The following PPFIBP1 variants were observed in gnomAD, a reference collection of about 807,000 sequenced individuals.
PPFIBP1 encodes the protein PPFIB scaffold protein 1.
Under a neutral mutation model 137.8 loss-of-function variants are expected in PPFIBP1, and 112 were observed. The observed-to-expected ratio is 0.81, with a 90% confidence interval of 0.70 to 0.95. The LOEUF is 0.95. Among genes scored for constraint, PPFIBP1 ranks in the 40% least tolerant of loss-of-function variants. The pLI, the probability that PPFIBP1 is intolerant of heterozygous loss-of-function variation, is 0.00. For synonymous variants in PPFIBP1, 378 were observed against 417.3 expected, an observed-to-expected ratio of 0.91 and a Z score of 1.15; for missense variants, 1,083 against 1,196.6, an observed-to-expected ratio of 0.91 and a Z score of 1.40.
At chr12:27,690,989 C>T (rs181832421) in intron 27 of PPFIBP1, among the ~76,000 whole-genome samples, 5 of 150,922 alleles carry the variant, frequency 3.3e-5, no homozygotes, top group South Asian at 2.1e-4. Flanking sequence ...AAATTTGTGC[C>T]AAAGTTCTTT....
intron 1 of PPFIBP1, among the ~76,000 whole-genome samples, chr12:27,541,849 G>A (rs1945709885): frequency 6.6e-6 from 1 of 151,884 alleles, no homozygotes; most frequent in South Asian, 2.1e-4. Flanking sequence ...CCGACTCCAG[G>A]GCTGACCTGC....
At chr12:27,570,035 A>C (rs1013312560) in intron 1 of PPFIBP1, among the ~76,000 whole-genome samples, 1 of 152,174 alleles carries the variant, frequency 6.6e-6, no homozygotes, top group Non-Finnish European at 1.5e-5. Context: ...ATTGTTATTT[A>C]GAGTTCTACA....
At chr12:27,536,846 T>A (rs986609731) in intron 1 of PPFIBP1, among the ~76,000 whole-genome samples, 3 of 152,134 alleles carry the variant, frequency 2.0e-5, no homozygotes, top group African/African-American at 7.2e-5. Context: ...ACTGCCCAGG[T>A]CACAGGTCCA....
intron 22 of PPFIBP1, among the ~76,000 whole-genome samples, 153 bp downstream of exon 22, chr12:27,681,849 T>C (rs1171274298): frequency 1.3e-5 from 2 of 152,204 alleles, no homozygotes; most frequent in African/African-American, 2.4e-5. Context: ...ATGCTTCTTT[T>C]TTCTGGTGGT....
At chr12:27,567,623 T>A (rs1260320362) in intron 1 of PPFIBP1, among the ~76,000 whole-genome samples, 1 of 152,276 alleles carries the variant, frequency 6.6e-6, no homozygotes, top group South Asian at 2.1e-4. Context: ...TGGTCATGGG[T>A]ACTTGGCACT....
At chr12:27,558,467 TACAC>T (rs10677887) in intron 1 of PPFIBP1, among the ~76,000 whole-genome samples, 15 of 129,270 alleles carry the variant, frequency 1.2e-4, no homozygotes, top group Non-Finnish European at 1.8e-4. Flanking sequence ...CAGTATGTTA[TACAC>T]ACACACACAC....
At chr12:27,602,442 T>C (rs542071004) in intron 2 of PPFIBP1, among the ~76,000 whole-genome samples, 1 of 152,370 alleles carries the variant, frequency 6.6e-6, no homozygotes, top group East Asian at 1.9e-4. Context: ...ATCTATATTG[T>C]AGCAGATTTC....
At chr12:27,682,560 A>T (rs1593357241) in intron 23 of PPFIBP1, 55 bp from the exon 24 acceptor site, 1 of 1,609,158 alleles carries the variant, frequency 6.2e-7, no homozygotes. Flanking sequence ...TTTCTTTTTA[A>T]TCACAAGAAC....
At chr12:27,646,408 CT>C (rs59630572) in intron 5 of PPFIBP1, 88,544 of 343,886 alleles carry the variant, frequency 0.26, 4,492 homozygotes, top group African/African-American at 0.32. Flanking sequence ...CTGATCTGTT[CT>C]TTTTTTTTTT....
chr12:27,524,690 T>G (rs1452877369), intron 1 of PPFIBP1, among the ~76,000 whole-genome samples: 1 of 152,058 alleles, frequency 6.6e-6, no homozygotes, highest in Non-Finnish European at 1.5e-5. Context: ...TCTCTCTGTC[T>G]GTGTGTATTG....
chr12:27,550,331 T>C (rs893878132), intron 1 of PPFIBP1, among the ~76,000 whole-genome samples: 1 of 152,210 alleles, frequency 6.6e-6, no homozygotes, highest in African/African-American at 2.4e-5. Flanking sequence ...CTGATTTTTT[T>C]TGTAAGCTGC....
At chr12:27,573,819 C>CA (rs2050334750) in intron 1 of PPFIBP1, among the ~76,000 whole-genome samples, 1 of 151,780 alleles carries the variant, frequency 6.6e-6, no homozygotes, top group African/African-American at 2.4e-5. Context: ...CTCATCAGTA[C>CA]AAAAAAATAA....
intron 18 of PPFIBP1, 154 bp from the exon 19 acceptor site, chr12:27,676,910 C>T: frequency 1.1e-6 from 1 of 915,782 alleles, no homozygotes; most frequent in Non-Finnish European, 1.8e-6. Context: ...TGACGTTGAG[C>T]CTGTGTGTAA....
At chr12:27,549,461 G>A (rs967752580) in intron 1 of PPFIBP1, 3 of 151,910 alleles carry the variant, frequency 2.0e-5, no homozygotes, top group Non-Finnish European at 4.4e-5. Flanking sequence ...TGTGACTCAC[G>A]TCTGCAAAGA....
chr12:27,661,634 C>G (rs2059559568), intron 11 of PPFIBP1, among the ~76,000 whole-genome samples: 1 of 152,220 alleles, frequency 6.6e-6, no homozygotes, highest in South Asian at 2.1e-4. Context: ...GTCATCAGAA[C>G]TTCTCTCCCC....
intron 1 of PPFIBP1, among the ~76,000 whole-genome samples, chr12:27,530,941 C>T (rs1258326837): frequency 6.6e-6 from 1 of 152,194 alleles, no homozygotes; most frequent in African/African-American, 2.4e-5. Context: ...TAGCATTCTG[C>T]AACTGCTCTA....
At chr12:27,626,328 G>A (rs1000893638) in intron 2 of PPFIBP1, among the ~76,000 whole-genome samples, 1 of 152,174 alleles carries the variant, frequency 6.6e-6, no homozygotes, top group Non-Finnish European at 1.5e-5. Context: ...ATTTTTGGAT[G>A]TAAAGTAAGA....
At chr12:27,633,855 T>G (rs12828875) in intron 3 of PPFIBP1, among the ~76,000 whole-genome samples, 5,834 of 148,542 alleles carry the variant, frequency 0.039, 389 homozygotes, top group Admixed American at 0.18. Context: ...TTTTTTTTTT[T>G]GAGATGGAGT....
In PPFIBP1 at chr12:27,693,807, G is replaced by A. The variant is rs1262183476; in HGVS notation, c.*925G>A. 2.6e-5 allele frequency: 4 copies of A among 151,954 alleles called. No homozygotes were observed. Among genetic ancestry groups the A allele is most frequent in the Non-Finnish European group, 5.9e-5 (4 of 68,042 alleles). 9.4% of individuals were successfully genotyped at this position (151,954 alleles called of 1,614,324 possible). A position where few individuals can be genotyped will look rare whatever the true frequency, so the allele number is the denominator to read the frequency against. ...AGCCATTCTGCTTCAGCCCCAAGTA[G>A]GTGGGACTCCAGGCATGCACCACCA... is the stretch of plus-strand genomic sequence containing the variant. On this transcript the variant is annotated 3_prime_UTR_variant, in exon 30 of 30. Coordinates refer to ENST00000228425, the MANE Select transcript of PPFIBP1 (RefSeq NM_003622.4).
Sources: allele counts gnomAD v4.1 joint callset (sites outside exome capture counted in the v4.1 genomes callset), GRCh38; gene constraint gnomAD v4.1.1; transcripts MANE v1.5; gene names NCBI Gene and HGNC (gene_info 2026-07-23, HGNC 2026-07-21).